The following ACTR3C variants were observed in gnomAD, a reference collection of about 807,000 sequenced individuals.
The protein encoded by ACTR3C is actin related protein 3C.
A neutral mutation model predicts 26.3 loss-of-function variants in ACTR3C; 18 were observed. The ratio of observed to expected loss-of-function variants is 0.68; its 90% CI spans 0.47 to 1.01. The LOEUF is 1.01. Among genes scored for constraint, ACTR3C ranks in the 50% least tolerant of loss-of-function variants. The pLI is 0.00. For synonymous variants in ACTR3C, 55 were observed against 94.5 expected, an observed-to-expected ratio of 0.58 and a Z score of 2.42; for missense variants, 184 against 250.7, an observed-to-expected ratio of 0.73 and a Z score of 1.80.
At chr7:150,049,785 A>G in the ACTR3C span, among the ~76,000 whole-genome samples, 2 of 152,254 alleles carry the variant, frequency 1.3e-5, no homozygotes, top group African/African-American at 4.8e-5. Context: ...GGTTTAACCA[A>G]AATTTGTACC....
chr7:150,135,489 A>G, the ACTR3C span, among the ~76,000 whole-genome samples: 9 of 152,194 alleles, frequency 5.9e-5, no homozygotes, highest in East Asian at 1.3e-3. Flanking sequence ...AAACATTCAA[A>G]TAGCAGATGC....
the ACTR3C span, among the ~76,000 whole-genome samples, chr7:149,932,753 A>G: frequency 0.039 from 5,781 of 150,128 alleles, 166 homozygotes; most frequent in Middle Eastern, 0.054. Context: ...GCAGGGCGAG[A>G]CAGGGCAGGG....
At position 150,274,426 on chromosome 7, in the gene ACTR3C, G is replaced by C. The variant is rs565361274; in HGVS notation, c.564+10327C>G. On this transcript the variant is annotated intron_variant, in intron 6 of 7. Transcript: ENST00000683684. The surrounding 1 kb of genome is among the most constrained non-coding windows in gnomAD (Gnocchi z 4.1). ...TATTATACACTTAAACCATAATATA[G>C]TGCAAACATAGCCTTCATGTGCACC... is the stretch of plus-strand genomic sequence containing the variant. Among the ~76,000 whole-genome samples the C allele has an allele frequency of 6.6e-6, 1 of 152,284 alleles. No individual in the cohort carries two copies. Among genetic ancestry groups the C allele is most frequent in the East Asian group, 1.9e-4 (1 of 5,188 alleles).
At chr7:150,281,659 G>A (rs1004138566) in intron 6 of ACTR3C, among the ~76,000 whole-genome samples, 21 of 151,972 alleles carry the variant, frequency 1.4e-4, no homozygotes, top group African/African-American at 4.8e-4. Flanking sequence ...TGAGGAACTA[G>A]CAAAGGCCAC....
chr7:149,968,139 A>G, the ACTR3C span, among the ~76,000 whole-genome samples: 1 of 152,286 alleles, frequency 6.6e-6, no homozygotes, highest in African/African-American at 2.4e-5. Context: ...AGCAGTAACA[A>G]TCAGATTTGA....
the ACTR3C span, among the ~76,000 whole-genome samples, chr7:150,041,769 G>C: frequency 1.4e-5 from 2 of 143,328 alleles, no homozygotes; most frequent in African/African-American, 5.3e-5. Context: ...AAGAGGGACT[G>C]GCTCTCAGTC....
the ACTR3C span, among the ~76,000 whole-genome samples, chr7:149,901,429 G>A: frequency 0.12 from 17,989 of 148,436 alleles, 1,370 homozygotes; most frequent in East Asian, 0.33. Context: ...ACTACAATTT[G>A]TAAGATGTAA....
chr7:150,242,287 CAG>C (rs1272530801), downstream of ACTR3C, among the ~76,000 whole-genome samples: 1 of 150,486 alleles, frequency 6.6e-6, no homozygotes, highest in Non-Finnish European at 1.5e-5. Flanking sequence ...GACTGAAAAA[CAG>C]AGGGCAACAG....
At chr7:150,292,269 A>G (rs1836332328) in intron 3 of ACTR3C, among the ~76,000 whole-genome samples, 1 of 152,152 alleles carries the variant, frequency 6.6e-6, no homozygotes, top group Admixed American at 6.5e-5. Flanking sequence ...CTCAAAGGAG[A>G]AAGACCAGGA....
chr7:149,907,473 T>TTCTCTCTCTTC, the ACTR3C span, among the ~76,000 whole-genome samples: 67 of 109,956 alleles, frequency 6.1e-4, no homozygotes, highest in African/African-American at 2.0e-3. Context: ...CTTGCCTCTC[T>TTCTCTCTCTTC]TCTCTTCTCT....
intron 1 of ACTR3C, among the ~76,000 whole-genome samples, chr7:150,319,293 C>T (rs545522057): frequency 7.9e-5 from 12 of 152,022 alleles, no homozygotes; most frequent in South Asian, 6.2e-4. Flanking sequence ...CCACAAGCTC[C>T]GCCTCTCAGG....
intron 3 of ACTR3C, among the ~76,000 whole-genome samples, chr7:150,292,923 C>T (rs573149294): frequency 2.8e-4 from 43 of 152,270 alleles, no homozygotes; most frequent in African/African-American, 1.0e-3. Flanking sequence ...ATTCAACATC[C>T]AAAACGGTGT....
chr7:150,198,658 G>A, the ACTR3C span, among the ~76,000 whole-genome samples: 2 of 146,688 alleles, frequency 1.4e-5, no homozygotes, highest in Non-Finnish European at 1.5e-5. Context: ...CAGCTGCCCC[G>A]TCTGAGAAGT....
intron 6 of ACTR3C, among the ~76,000 whole-genome samples, chr7:150,250,995 A>C (rs10488347): frequency 0.18 from 28,034 of 152,118 alleles, 4,406 homozygotes; most frequent in African/African-American, 0.42. Context: ...AAATGTAAAT[A>C]TGGACGGAAT....
At chr7:150,039,350 T>TGG in the ACTR3C span, among the ~76,000 whole-genome samples, 2 of 118,356 alleles carry the variant, frequency 1.7e-5, no homozygotes, top group South Asian at 2.9e-4. Flanking sequence ...CCCACCCTCG[T>TGG]GGGGTTGCCT....
At chr7:150,076,766 C>T in the ACTR3C span, 1 of 152,150 alleles carries the variant, frequency 6.6e-6, no homozygotes, top group African/African-American at 2.4e-5. Context: ...TTAACAGAGA[C>T]AGATACATCT....
At chr7:150,155,440 G>A in the ACTR3C span, among the ~76,000 whole-genome samples, 1 of 152,126 alleles carries the variant, frequency 6.6e-6, no homozygotes, top group Non-Finnish European at 1.5e-5. Context: ...TCTTAGCCTG[G>A]GGACAGGAGA....
At chr7:150,011,789 AACTT>A in the ACTR3C span, among the ~76,000 whole-genome samples, 1 of 152,206 alleles carries the variant, frequency 6.6e-6, no homozygotes, top group African/African-American at 2.4e-5. Context: ...TACAACAAAG[AACTT>A]ACTGTGTTCG....
the ACTR3C span, among the ~76,000 whole-genome samples, chr7:150,210,365 TTAGG>T: frequency 6.6e-6 from 1 of 150,680 alleles, no homozygotes; most frequent in Non-Finnish European, 1.5e-5. Flanking sequence ...TGTTCCACTC[TTAGG>T]TATTTACCCT....
Sources: allele counts gnomAD v4.1 joint callset (sites outside exome capture counted in the v4.1 genomes callset), GRCh38; gene constraint gnomAD v4.1.1; non-coding constraint Gnocchi (gnomAD v3.1); transcripts MANE v1.5; gene names NCBI Gene and HGNC (gene_info 2026-07-23, HGNC 2026-07-21).